The following PDE1A variants were observed in gnomAD, a reference collection of about 807,000 sequenced individuals.
PDE1A encodes the protein dual specificity calcium/calmodulin-dependent 3',5'-cyclic nucleotide phosphodiesterase 1A.
A neutral mutation model predicts 61.7 loss-of-function variants in PDE1A; 35 were observed. The observed-to-expected ratio is 0.57, with a 90% CI of 0.43 to 0.75. The LOEUF is 0.75. PDE1A is among the 30% of genes least tolerant of loss of function. PDE1A has a pLI of 0.00. For synonymous variants in PDE1A, 232 were observed against 213.2 expected (o/e 1.09, Z -0.77); for missense variants, 597 against 630.6 (o/e 0.95, Z 0.57).
intron 2 of PDE1A, among the ~76,000 whole-genome samples, chr2:182,474,883 G>C (rs1687255667): frequency 6.6e-6 from 1 of 151,722 alleles, no homozygotes; most frequent in Non-Finnish European, 1.5e-5. Context: ...TAGAAAACTG[G>C]GCTAAGACAT....
At chr2:182,443,783 A>G (rs1684952566) in intron 2 of PDE1A, among the ~76,000 whole-genome samples, 1 of 147,496 alleles carries the variant, frequency 6.8e-6, no homozygotes, top group African/African-American at 2.5e-5. Flanking sequence ...GGCTCACTGC[A>G]AACTCTGCCT....
At chr2:182,494,170 G>T (rs544262259) in intron 2 of PDE1A, among the ~76,000 whole-genome samples, 2 of 152,074 alleles carry the variant, frequency 1.3e-5, no homozygotes, top group African/African-American at 4.8e-5. Context: ...AAGGTTGAAT[G>T]GTCTTTACTG....
chr2:182,690,804 T>C, the PDE1A span, among the ~76,000 whole-genome samples: 2 of 152,176 alleles, frequency 1.3e-5, no homozygotes, highest in African/African-American at 2.4e-5. Flanking sequence ...CCAAAATCTC[T>C]TTAAGCTGAT....
chr2:182,535,145 T>C, the PDE1A span, among the ~76,000 whole-genome samples: 131 of 152,202 alleles, frequency 8.6e-4, no homozygotes, highest in Non-Finnish European at 9.7e-4. Flanking sequence ...ATCAGTCTAT[T>C]TTTATGTAAG....
chr2:182,649,235 G>A, the PDE1A span, among the ~76,000 whole-genome samples: 5 of 152,174 alleles, frequency 3.3e-5, no homozygotes, highest in African/African-American at 4.8e-5. Context: ...ACTGCCTGGC[G>A]ACAGGGTATG....
At chr2:182,163,888 T>C (rs1303581848), downstream of PDE1A, among the ~76,000 whole-genome samples, 1 of 152,164 alleles carries the variant, frequency 6.6e-6, no homozygotes, top group South Asian at 2.1e-4. Context: ...CAGTGGCAGA[T>C]AGGTATGCTG....
chr2:182,432,557 A>G (rs1019331606), intron 2 of PDE1A, among the ~76,000 whole-genome samples: 1 of 152,100 alleles, frequency 6.6e-6, no homozygotes, highest in African/African-American at 2.4e-5. Flanking sequence ...TATATAAAAG[A>G]TGCTCACTGG....
Position 182,340,137 on chromosome 2 carries a change from A to T in PDE1A, c.54-75723T>A, listed in dbSNP as rs188673312. Among the ~76,000 whole-genome samples, 12 of 152,316 alleles carry T rather than the reference A, an allele frequency of 7.9e-5. No individual in the cohort carries two copies. The East Asian group carries it at 2.3e-3, about 29-fold the overall frequency. On this transcript the variant is annotated intron_variant, in intron 1 of 13. Coordinates refer to ENST00000351439, the Ensembl canonical transcript of PDE1A. ...AAAATGAAGTATATGCAGTTTGTAGATTTATAAAATTGTCAGAAGAGTTTC... is the reference window on the plus strand; with the variant it reads ...AAAATGAAGTATATGCAGTTTGTAGTTTTATAAAATTGTCAGAAGAGTTTC...
the PDE1A span, among the ~76,000 whole-genome samples, chr2:182,712,349 T>G: frequency 6.6e-6 from 1 of 152,220 alleles, no homozygotes; most frequent in Non-Finnish European, 1.5e-5. Context: ...GTCTGAGGAT[T>G]AGATGGTAAT....
chr2:182,593,771 T>A, the PDE1A span, among the ~76,000 whole-genome samples: 1 of 152,208 alleles, frequency 6.6e-6, no homozygotes, highest in African/African-American at 2.4e-5. Context: ...ATCTGCATTC[T>A]TTTGTCTCTG....
At chr2:182,521,770 A>G (rs1285098443) in intron 2 of PDE1A, among the ~76,000 whole-genome samples, 1 of 152,140 alleles carries the variant, frequency 6.6e-6, no homozygotes, top group Non-Finnish European at 1.5e-5. Flanking sequence ...TATGCTGTTA[A>G]TATTTTTATC....
intron 1 of PDE1A, among the ~76,000 whole-genome samples, chr2:182,385,656 AAAG>A (rs1341059454): frequency 1.6e-4 from 22 of 141,570 alleles, no homozygotes; most frequent in Admixed American, 2.9e-4. Context: ...AGAAAGAAAG[AAAG>A]AAGAAAAAAA....
chr2:182,420,445 T>C (rs915318476), intron 1 of PDE1A, among the ~76,000 whole-genome samples: 4 of 152,228 alleles, frequency 2.6e-5, no homozygotes, highest in Admixed American at 2.0e-4. Context: ...ACAGCCCTAC[T>C]GTTTTTCATT....
intron 1 of PDE1A, among the ~76,000 whole-genome samples, chr2:182,344,253 T>C (rs1055084231): frequency 1.3e-5 from 2 of 152,256 alleles, no homozygotes; most frequent in East Asian, 1.9e-4. Flanking sequence ...ATAAAATATA[T>C]GAATATAGGG....
At chr2:182,426,222 C>T (rs184347305) in intron 1 of PDE1A, among the ~76,000 whole-genome samples, 98 of 152,324 alleles carry the variant, frequency 6.4e-4, no homozygotes, top group Middle Eastern at 3.4e-3. Context: ...ACTGCCCTTG[C>T]CTGTAATCAG....
In PDE1A at chr2:182,169,936, A is replaced by T. The variant is rs1017816633; in HGVS notation, c.1517-1646T>A. Among the ~76,000 whole-genome samples, 324 of 119,960 alleles carry T rather than the reference A, an allele frequency of 2.7e-3. 2 individuals are homozygous for T. Among genetic ancestry groups the T allele is most frequent in the African/African-American group, 9.1e-3 (304 of 33,374 alleles). The allele number at this position is 119,960 out of a possible 152,430, so 78.7% of individuals were successfully genotyped here. ...CACACACACACGCACACACACACAC[A>T]CACTCTCCCTCTCTCTCTTTCTCTT... On this transcript the variant is annotated intron_variant, in intron 13 of 13. Coordinates refer to ENST00000351439, the Ensembl canonical transcript of PDE1A.
the PDE1A span, among the ~76,000 whole-genome samples, chr2:182,636,920 C>T: frequency 6.6e-6 from 1 of 152,204 alleles, no homozygotes; most frequent in East Asian, 1.9e-4. Context: ...TGTGCACATT[C>T]TTCTCATGCT....
the PDE1A span, among the ~76,000 whole-genome samples, chr2:182,636,630 T>G: frequency 6.6e-6 from 1 of 152,202 alleles, no homozygotes; most frequent in East Asian, 1.9e-4. Flanking sequence ...AAAGCGAACT[T>G]TCTCCCATGT....
chr2:182,378,730 CAT>C (rs1700560622), intron 1 of PDE1A, among the ~76,000 whole-genome samples: 1 of 152,132 alleles, frequency 6.6e-6, no homozygotes, highest in Non-Finnish European at 1.5e-5. Flanking sequence ...AAAATGCTAC[CAT>C]ATATGACTCA....
Sources: allele counts gnomAD v4.1 joint callset (sites outside exome capture counted in the v4.1 genomes callset), GRCh38; gene constraint gnomAD v4.1.1; transcripts MANE v1.5; gene names NCBI Gene and HGNC (gene_info 2026-07-23, HGNC 2026-07-21).